Variants in IL34 observed in about 807,000 individuals in gnomAD.
IL34 encodes interleukin 34.
In IL34, 17 loss-of-function variants were observed where a neutral mutation model predicts 25.3. The ratio of observed to expected loss-of-function variants is 0.67; its 90% CI spans 0.46 to 1.01. The LOEUF (loss-of-function observed/expected upper bound fraction) is 1.01, where lower values mean the gene tolerates loss of function less well. Ranked by LOEUF, IL34 falls within the 50% of genes least tolerant of loss-of-function variation. IL34 has a pLI of 0.00. For synonymous variants in IL34, 174 were observed against 140.9 expected, an observed-to-expected ratio of 1.23 and a Z score of -1.66; for missense variants, 368 against 312.9, an observed-to-expected ratio of 1.18 and a Z score of -1.33.
At chr16:70,592,122 A>G (rs911973860) in intron 1 of IL34, among the ~76,000 whole-genome samples, 2 of 151,496 alleles carry the variant, frequency 1.3e-5, no homozygotes, top group African/African-American at 4.9e-5. Context: ...TGTCTCTACC[A>G]TACTGGGTCA....
At chr16:70,630,577 C>CT (rs945115251) in intron 1 of IL34, among the ~76,000 whole-genome samples, 6 of 149,708 alleles carry the variant, frequency 4.0e-5, no homozygotes, top group African/African-American at 1.2e-4. Context: ...CCTCTTCTTT[C>CT]TTTTTTCTTT....
intron 5 of IL34, 114 bp downstream of exon 5, chr16:70,659,867 T>C: frequency 6.7e-7 from 1 of 1,486,538 alleles, no homozygotes; most frequent in Non-Finnish European, 9.1e-7. Flanking sequence ...TCCCCGGGGC[T>C]ACAAGCCATT....
chr16:70,658,067 C>G (rs2052280927), intron 4 of IL34, among the ~76,000 whole-genome samples: 1 of 152,186 alleles, frequency 6.6e-6, no homozygotes. Context: ...CCGTCTCCAC[C>G]AGACCTCCTC....
chr16:70,589,133 G>T (rs914152636), intron 1 of IL34, among the ~76,000 whole-genome samples: 4 of 152,078 alleles, frequency 2.6e-5, no homozygotes, highest in Non-Finnish European at 5.9e-5. Context: ...GGAGGTGGAG[G>T]TTGCAGTGAG....
At chr16:70,610,685 G>A (rs2051077462) in intron 1 of IL34, among the ~76,000 whole-genome samples, 1 of 152,240 alleles carries the variant, frequency 6.6e-6, no homozygotes, top group African/African-American at 2.4e-5. Context: ...TCTCTACGGA[G>A]GTGATGTTTG....
At chr16:70,655,260 T>C (rs1248428134) in intron 2 of IL34, among the ~76,000 whole-genome samples, 1 of 151,746 alleles carries the variant, frequency 6.6e-6, no homozygotes, top group East Asian at 1.9e-4. Context: ...ACCATGTTAG[T>C]CAGGATGGTC....
chr16:70,596,522 G>A (rs984705104), intron 1 of IL34, among the ~76,000 whole-genome samples: 1 of 152,124 alleles, frequency 6.6e-6, no homozygotes, highest in Non-Finnish European at 1.5e-5. Flanking sequence ...TCCCAGGCTG[G>A]AGGTGACTGT....
At chr16:70,657,722 C>A (rs1485664682) in intron 4 of IL34, among the ~76,000 whole-genome samples, 2 of 152,124 alleles carry the variant, frequency 1.3e-5, no homozygotes, top group African/African-American at 4.8e-5. Flanking sequence ...TTGCAGTGAG[C>A]TGAGATTGCA....
At chr16:70,622,286 T>G (rs1333986299) in intron 1 of IL34, among the ~76,000 whole-genome samples, 1 of 152,084 alleles carries the variant, frequency 6.6e-6, no homozygotes, top group Non-Finnish European at 1.5e-5. Flanking sequence ...GTTATCTGAC[T>G]CAGGGCATGT....
At chr16:70,612,043 C>A (rs1393467282) in intron 1 of IL34, among the ~76,000 whole-genome samples, 1 of 152,098 alleles carries the variant, frequency 6.6e-6, no homozygotes, top group African/African-American at 2.4e-5. Flanking sequence ...TAAAAGATAG[C>A]CTTCTGTCTT....
Position 70,660,138 on chromosome 16 carries a change from C to T in IL34, c.680C>T (p.Thr227Met), listed in dbSNP as rs372998917. The T allele has an allele frequency of 1.7e-5, 28 of 1,610,674 alleles. No individual in the cohort carries two copies. The highest frequency in any genetic ancestry group is 5.0e-5 in the Admixed American group (3 of 59,472). Reference sequence around the variant, plus strand: ...TCCCCCAGCTCCCCGCCTCACTCCACGGGCTCGGTGAGGCCGGTCAGGGCA... The same window carrying T: ...TCCCCCAGCTCCCCGCCTCACTCCATGGGCTCGGTGAGGCCGGTCAGGGCA... ...PWSPSSPPHS[T>M]GSVRPVRAQG... Residue 227 changes from threonine (T) to methionine (M), a missense_variant, in exon 6 of 6, where the codon ACG becomes ATG. Coordinates refer to ENST00000288098, the MANE Select transcript of IL34 (RefSeq NM_001393494.1).
intron 1 of IL34, among the ~76,000 whole-genome samples, chr16:70,619,864 C>T (rs1243167891): frequency 6.6e-6 from 1 of 152,166 alleles, no homozygotes; most frequent in Non-Finnish European, 1.5e-5. Context: ...TGGGACGCGG[C>T]TTAGGAGGAA....
intron 1 of IL34, among the ~76,000 whole-genome samples, chr16:70,649,675 A>G (rs1023346275): frequency 9.9e-5 from 15 of 152,214 alleles, no homozygotes; most frequent in Non-Finnish European, 2.2e-4. Context: ...GCTGGGGGTG[A>G]CAAGCCTCAC....
chr16:70,614,403 T>C (rs369463535), intron 1 of IL34, among the ~76,000 whole-genome samples: 20 of 152,252 alleles, frequency 1.3e-4, no homozygotes, highest in Admixed American at 1.1e-3. Context: ...CCTGACCTAC[T>C]GAATTGTATG....
chr16:70,581,015 G>T (rs184717556), intron 1 of IL34, among the ~76,000 whole-genome samples: 5 of 151,260 alleles, frequency 3.3e-5, no homozygotes, highest in Non-Finnish European at 7.4e-5. Flanking sequence ...GGGTTCAAGC[G>T]ATTCTCCTGC....
rs34816911 is a variant in IL34 at position 70,636,585 on chromosome 16, T to TCACACACACACACACA, written c.-400-9934_-400-9919dup. 1.2e-4 allele frequency among the ~76,000 whole-genome samples: 17 copies of TCACACACACACACACA among 136,482 alleles called. 1 individual carries two copies. The highest frequency in any genetic ancestry group is 2.5e-4 in the South Asian group (1 of 4,042). The allele number at this position is 136,482 out of a possible 152,430, so 89.5% of individuals were successfully genotyped here. On this transcript the variant is annotated intron_variant, in intron 1 of 6. Coordinates refer to the IL34 transcript ENST00000429149. Reference sequence around the variant, plus strand: ...AGCCTGGACAACATAGCAAACCCTGTCACACACACACACACACACACACAC... The same window carrying TCACACACACACACACA: ...AGCCTGGACAACATAGCAAACCCTGTCACACACACACACACACACACACACACACACACACACACAC...
intron 1 of IL34, among the ~76,000 whole-genome samples, chr16:70,591,799 G>A (rs532336652): frequency 4.2e-4 from 64 of 152,320 alleles, no homozygotes; most frequent in African/African-American, 1.4e-3. Context: ...GGATCAGAGA[G>A]GTTAAGTCAT....
In IL34 at chr16:70,654,883, C is replaced by T. The variant is rs187924437; in HGVS notation, c.162+212C>T. Among the ~76,000 whole-genome samples the T allele has an allele frequency of 7.2e-5, 11 of 152,270 alleles. No individual in the cohort carries two copies. The East Asian group carries it at 1.9e-3, about 27-fold the overall frequency. On this transcript the variant is annotated intron_variant, in intron 2 of 5. Coordinates refer to ENST00000288098, the MANE Select transcript of IL34 (RefSeq NM_001393494.1). ...ATCTCCTGGGGCCTCCACCCCTCCT[C>T]CTCGATCTCACTTTAATCCCACCTC...
chr16:70,658,737 C>T (rs1401966676), intron 4 of IL34, among the ~76,000 whole-genome samples: 1 of 152,176 alleles, frequency 6.6e-6, no homozygotes, highest in Admixed American at 6.6e-5. Context: ...TCCCAAAGTG[C>T]TGGGATTACA....
Sources: gnomAD v4.1 joint callset for allele counts (sites outside exome capture counted in the v4.1 genomes callset) on GRCh38, gnomAD v4.1.1 for gene constraint, MANE v1.5 for transcripts, NCBI Gene and HGNC (gene_info 2026-07-23, HGNC 2026-07-21) for gene names.